The following MKLN1 variants were observed in gnomAD, a reference collection of about 807,000 sequenced individuals.
MKLN1 encodes the protein muskelin 1.
A neutral mutation model predicts 99.0 loss-of-function variants in MKLN1; 18 were observed. The observed-to-expected ratio is 0.18, with a 90% CI of 0.13 to 0.27. The LOEUF is 0.27. Ranked by LOEUF, MKLN1 falls within the 10% of genes least tolerant of loss-of-function variation. MKLN1 has a pLI of 1.00. For synonymous variants in MKLN1, 288 were observed against 293.2 expected, an observed-to-expected ratio of 0.98 and a Z score of 0.18; for missense variants, 621 against 875.9, an observed-to-expected ratio of 0.71 and a Z score of 3.67.
intron 6 of MKLN1, among the ~76,000 whole-genome samples, chr7:131,400,097 A>T (rs1794489516): frequency 6.6e-6 from 1 of 152,112 alleles, no homozygotes. Flanking sequence ...CATAGTGACA[A>T]ACAACAGAAT....
chr7:131,203,035 A>C (rs10250721), intron 3 of MKLN1: 3 of 152,162 alleles, frequency 2.0e-5, no homozygotes, highest in African/African-American at 7.2e-5. Context: ...ATAATCATCT[A>C]TGTCGTATAC....
At chr7:131,156,747 C>T (rs80060981) in intron 2 of MKLN1, among the ~76,000 whole-genome samples, 8,077 of 152,204 alleles carry the variant, frequency 0.053, 381 homozygotes, top group African/African-American at 0.13. Flanking sequence ...TTTCAACCTA[C>T]GATGGGTTTA....
intron 2 of MKLN1, among the ~76,000 whole-genome samples, chr7:131,177,628 A>G (rs1796319002): frequency 6.6e-6 from 1 of 152,074 alleles, no homozygotes; most frequent in African/African-American, 2.4e-5. Context: ...TTTTGACTTC[A>G]TGTTCCATCA....
intron 2 of MKLN1, among the ~76,000 whole-genome samples, chr7:131,191,289 T>C (rs1453190328): frequency 1.3e-5 from 2 of 152,252 alleles, no homozygotes; most frequent in African/African-American, 4.8e-5. Flanking sequence ...GGCTGCTTAC[T>C]CCAGCAGATT....
At chr7:131,469,141 A>G (rs928091198) in intron 15 of MKLN1, among the ~76,000 whole-genome samples, 9 of 152,134 alleles carry the variant, frequency 5.9e-5, no homozygotes, top group Admixed American at 5.9e-4. Context: ...AGATAGATAG[A>G]TTGATTAGAT....
intron 1 of MKLN1, among the ~76,000 whole-genome samples, chr7:131,332,279 AT>A (rs1024124198): frequency 1.3e-5 from 2 of 149,730 alleles, no homozygotes; most frequent in Non-Finnish European, 3.0e-5. Flanking sequence ...AAGAAAAAAA[AT>A]ATATAAATAT....
chr7:131,332,571 C>G (rs1048000020), intron 1 of MKLN1, among the ~76,000 whole-genome samples: 30 of 150,718 alleles, frequency 2.0e-4, no homozygotes, highest in African/African-American at 6.8e-4. Flanking sequence ...ATTTAAATTA[C>G]CCTTGATATC....
At chr7:131,283,836 CA>C (rs1303745053) in intron 3 of MKLN1, among the ~76,000 whole-genome samples, 1 of 152,162 alleles carries the variant, frequency 6.6e-6, no homozygotes, top group Non-Finnish European at 1.5e-5. Flanking sequence ...ACACAATAGG[CA>C]AGTTTTGCAT....
chr7:131,216,541 C>T (rs1247920317), intron 3 of MKLN1, among the ~76,000 whole-genome samples: 1 of 152,070 alleles, frequency 6.6e-6, no homozygotes, highest in Non-Finnish European at 1.5e-5. Flanking sequence ...GAGCGAGTGC[C>T]TCAAAGGTTC....
chr7:131,400,518 A>AAAATATATATATATAT (rs527702723), intron 6 of MKLN1, among the ~76,000 whole-genome samples: 2 of 137,436 alleles, frequency 1.5e-5, no homozygotes, highest in African/African-American at 5.6e-5. Context: ...ATAAAAAAAA[A>AAAATATATATATATAT]ATATATATAT....
Position 131,162,236 on chromosome 7 carries a change from A to G in MKLN1, c.-297+19295A>G, listed in dbSNP as rs143530989. On this transcript the variant is annotated intron_variant, in intron 2 of 7. Transcript: ENST00000416992. Reference sequence around the variant, plus strand: ...CCCGGCTAATTTTTGTATTTTTAGTAGAGACGGGGTTTCATCATGTTGGCC... The same window carrying G: ...CCCGGCTAATTTTTGTATTTTTAGTGGAGACGGGGTTTCATCATGTTGGCC... Among the ~76,000 whole-genome samples the G allele has an allele frequency of 6.8e-3, 1,035 of 151,986 alleles. 15 individuals carry two copies. The highest frequency in any genetic ancestry group is 0.023 in the African/African-American group (974 of 41,472).
At position 131,399,236 on chromosome 7, in the gene MKLN1, A is replaced by G. The variant is rs751650983; in HGVS notation, c.511-5A>G. 6.2e-6 allele frequency: 10 copies of G among 1,611,556 alleles called. No homozygotes were observed. Among genetic ancestry groups the G allele is most frequent in the Non-Finnish European group, 8.5e-6 (10 of 1,177,882 alleles). On this transcript the variant is annotated splice_region_variant and splice_polypyrimidine_tract_variant and intron_variant, in intron 5 of 17. Transcript: ENST00000352689. ...TCTTTCCATACTTACTCTGTGTTCT[A>G]GTAGTACCGTGAACAGGAAGCTATT...
intron 8 of MKLN1, among the ~76,000 whole-genome samples, chr7:131,417,777 C>T (rs1795063923): frequency 6.6e-6 from 1 of 152,130 alleles, no homozygotes; most frequent in African/African-American, 2.4e-5. Flanking sequence ...TTAAATTTAT[C>T]ATTCACTATA....
chr7:131,375,028 G>A (rs916755197), intron 1 of MKLN1, among the ~76,000 whole-genome samples: 98 of 151,440 alleles, frequency 6.5e-4, no homozygotes, highest in African/African-American at 2.2e-3. Flanking sequence ...GCACACTGTG[G>A]CCTTGAACTC....
intron 1 of MKLN1, among the ~76,000 whole-genome samples, chr7:131,128,793 C>A (rs79382995): frequency 6.6e-6 from 1 of 150,842 alleles, no homozygotes. Flanking sequence ...AGAGATGGGG[C>A]GTCCCTATGT....
At chr7:131,332,755 A>G (rs1799116686) in intron 1 of MKLN1, among the ~76,000 whole-genome samples, 1 of 151,242 alleles carries the variant, frequency 6.6e-6, no homozygotes, top group Non-Finnish European at 1.5e-5. Context: ...ATTCTTCTAT[A>G]TTGTATTTTT....
intron 17 of MKLN1, among the ~76,000 whole-genome samples, chr7:131,483,640 C>A (rs907988284): frequency 4.6e-5 from 7 of 152,148 alleles, no homozygotes; most frequent in Non-Finnish European, 1.0e-4. Context: ...CTTAGGAATG[C>A]CAGACAGCAC....
At chr7:131,290,096 A>G (rs4731780) in intron 3 of MKLN1, among the ~76,000 whole-genome samples, 107,977 of 152,046 alleles carry the variant, frequency 0.71, 38,596 homozygotes, top group Admixed American at 0.77. Context: ...ACTTGAGGTC[A>G]GGAGTTCAAG....
At chr7:131,293,540 G>A (rs887704707) in intron 3 of MKLN1, among the ~76,000 whole-genome samples, 9 of 152,210 alleles carry the variant, frequency 5.9e-5, no homozygotes, top group South Asian at 2.1e-4. Flanking sequence ...GCAGGGCACC[G>A]TGGCTCACAC....
Sources: allele counts gnomAD v4.1 joint callset (sites outside exome capture counted in the v4.1 genomes callset), GRCh38; gene constraint gnomAD v4.1.1; transcripts MANE v1.5; gene names NCBI Gene and HGNC (gene_info 2026-07-23, HGNC 2026-07-21).